The following BLMH variants were observed in gnomAD, a reference collection of about 807,000 sequenced individuals.
BLMH encodes the protein BLM hydrolase.
In BLMH, 32 loss-of-function variants were observed where a neutral mutation model predicts 61.6. The observed-to-expected ratio is 0.52, with a 90% confidence interval of 0.39 to 0.70. BLMH has a LOEUF of 0.70. Ranked by LOEUF, BLMH falls within the 30% of genes least tolerant of loss-of-function variation. The pLI is 0.00. For synonymous variants in BLMH, 183 were observed against 193.8 expected, an observed-to-expected ratio of 0.94 and a Z score of 0.46; for missense variants, 460 against 555.5, an observed-to-expected ratio of 0.83 and a Z score of 1.73.
intron 11 of BLMH, among the ~76,000 whole-genome samples, chr17:30,265,914 T>C (rs1271975960): frequency 6.6e-6 from 1 of 152,182 alleles, no homozygotes; most frequent in Non-Finnish European, 1.5e-5. Flanking sequence ...TTTACAATAA[T>C]ATACCCTAAA....
chr17:30,291,807 C>T lies in BLMH; in HGVS notation c.13G>A (p.Gly5Arg). Residue 5 changes from glycine to arginine, a missense_variant and splice_region_variant, in exon 1 of 12, where the codon GGA (glycine) becomes AGA (arginine). Gly to Arg is a moderately radical substitution (Grantham distance 125). This residue lies in a region of BLMH where 86 missense variants were observed against 84.5 expected (regional missense o/e 1.02). Coordinates refer to ENST00000261714, the MANE Select transcript of BLMH (RefSeq NM_000386.4). The stretch of plus-strand genomic sequence containing the variant: ...GCGGCGGGGGACGGCGGCACCTCAC[C>T]CGAGCTGCTCATGGCGCCCACGCTG... MSSS[G>R]LNSEKVAALI... The T allele has an allele frequency of 7.2e-7, 1 of 1,387,294 alleles. No homozygotes were observed. Among genetic ancestry groups the T allele is most frequent in the Non-Finnish European group, 9.3e-7 (1 of 1,075,148 alleles). 85.9% of individuals were successfully genotyped at this position (1,387,294 alleles called of 1,614,324 possible). A position where few individuals can be genotyped will look rare whatever the true frequency, so the allele number is the denominator to read the frequency against.
chr17:30,270,964 G>T (rs1908251860), intron 10 of BLMH, among the ~76,000 whole-genome samples: 1 of 152,164 alleles, frequency 6.6e-6, no homozygotes. Context: ...TCCTTATAAA[G>T]TAGAAGTTAT....
At chr17:30,251,025 G>T (rs1160234687) in intron 11 of BLMH, among the ~76,000 whole-genome samples, 1 of 152,098 alleles carries the variant, frequency 6.6e-6, no homozygotes, top group African/African-American at 2.4e-5. Context: ...ATATAAGTTG[G>T]AGCTAAACTA....
chr17:30,276,367 C>T (rs966017723), intron 6 of BLMH, among the ~76,000 whole-genome samples: 1 of 152,184 alleles, frequency 6.6e-6, no homozygotes, highest in Non-Finnish European at 1.5e-5. Flanking sequence ...AGGATTTGAA[C>T]TTAGGGCTGA....
chr17:30,287,108 C>T (rs151183244), intron 4 of BLMH, among the ~76,000 whole-genome samples: 18 of 152,204 alleles, frequency 1.2e-4, no homozygotes, highest in South Asian at 2.1e-4. Context: ...TGCTGTGACA[C>T]GATCCTGGCC....
intron 9 of BLMH, 66 bp from the exon 10 acceptor site, chr17:30,271,454 T>A: frequency 1.6e-6 from 2 of 1,283,330 alleles, no homozygotes; most frequent in Non-Finnish European, 2.3e-6. Context: ...CTTTTGGTTG[T>A]AAAAGGAATT....
At chr17:30,288,455 C>T (rs1431559395) in intron 3 of BLMH, among the ~76,000 whole-genome samples, 1 of 152,164 alleles carries the variant, frequency 6.6e-6, no homozygotes, top group Admixed American at 6.5e-5. Flanking sequence ...TGAGCTCAAG[C>T]AATCCTCCTA....
intron 6 of BLMH, among the ~76,000 whole-genome samples, chr17:30,274,851 T>C (rs1456865826): frequency 6.6e-6 from 1 of 152,110 alleles, no homozygotes; most frequent in Admixed American, 6.5e-5. Context: ...TGGTGGCTCA[T>C]GCCTGTAGTC....
Position 30,272,853 on chromosome 17 carries a change from A to G in BLMH, c.848T>C (p.Leu283Pro). The G allele has an allele frequency of 6.2e-7, 1 of 1,614,086 alleles. No individual in the cohort carries two copies. Among genetic ancestry groups the G allele is most frequent in the Admixed American group, 1.7e-5 (1 of 60,004 alleles). Residue 283 changes from leucine to proline, a missense_variant, in exon 8 of 12, where the codon CTT becomes CCT. By Grantham distance (98) the Leu-to-Pro change is moderately conservative (BLOSUM62 -3). Coordinates refer to ENST00000261714, the MANE Select transcript of BLMH (RefSeq NM_000386.4). ...DPRPQHKYNK[L>P]YTVEYLSNMV... is the part of the protein sequence containing the mutation. ...ATTGCTTAAGTATTCCACTGTGTAA[A>G]GTTTGTTGTACTTGTGCTGGGGCCT...
At chr17:30,272,937 C>T in intron 7 of BLMH, 38 bp from the exon 8 acceptor site, 1 of 1,604,336 alleles carries the variant, frequency 6.2e-7, no homozygotes, top group Non-Finnish European at 8.5e-7. Flanking sequence ...GGGCACAAAA[C>T]CAGGAATGTC....
At chr17:30,286,733 G>T in intron 5 of BLMH, 81 bp downstream of exon 5, 1 of 964,164 alleles carries the variant, frequency 1.0e-6, no homozygotes, top group Non-Finnish European at 1.6e-6. Flanking sequence ...TGTATACAGA[G>T]ATACCCAGGA....
intron 5 of BLMH, 85 bp downstream of exon 5, chr17:30,286,729 C>A (rs1480890158): frequency 1.2e-5 from 11 of 926,564 alleles, no homozygotes; most frequent in Non-Finnish European, 1.7e-5. Flanking sequence ...AAACTGTATA[C>A]AGAGATACCC....
intron 6 of BLMH, among the ~76,000 whole-genome samples, chr17:30,283,119 G>A (rs769691956): frequency 2.0e-4 from 30 of 152,146 alleles, no homozygotes; most frequent in Non-Finnish European, 3.5e-4. Flanking sequence ...CTATGACTGC[G>A]CCTCTGCACT....
intron 11 of BLMH, among the ~76,000 whole-genome samples, chr17:30,262,290 A>G (rs534781421): frequency 7.2e-5 from 11 of 152,304 alleles, no homozygotes; most frequent in Admixed American, 3.9e-4. Flanking sequence ...AACTAAGTGA[A>G]CCAATCACAA....
intron 11 of BLMH, among the ~76,000 whole-genome samples, chr17:30,259,818 A>G (rs1468782215): frequency 6.6e-6 from 1 of 152,110 alleles, no homozygotes; most frequent in Admixed American, 6.6e-5. Context: ...CACTAAGTTT[A>G]TTCACCTCCA....
chr17:30,268,729 C>A (rs1421559334), intron 10 of BLMH, among the ~76,000 whole-genome samples: 3 of 148,668 alleles, frequency 2.0e-5, no homozygotes, highest in Non-Finnish European at 4.4e-5. Flanking sequence ...TTTTTAAAAA[C>A]AAACAAACAA....
intron 4 of BLMH, 22 bp from the exon 5 acceptor site, chr17:30,286,924 T>C (rs769791980): frequency 6.8e-7 from 1 of 1,472,406 alleles, no homozygotes; most frequent in South Asian, 1.2e-5. Context: ...CAAATTCTAG[T>C]GTTAAAGAAG....
intron 10 of BLMH, among the ~76,000 whole-genome samples, chr17:30,269,606 T>C (rs1908209106): frequency 6.6e-6 from 1 of 152,160 alleles, no homozygotes; most frequent in African/African-American, 2.4e-5. Context: ...TTGATCTACA[T>C]AAGTAATGCA....
At chr17:30,255,813 C>G (rs1907796923) in intron 11 of BLMH, among the ~76,000 whole-genome samples, 2 of 152,198 alleles carry the variant, frequency 1.3e-5, no homozygotes, top group Admixed American at 1.3e-4. Context: ...AGGAGAATTG[C>G]TTGAACCAGG....
Sources: allele counts gnomAD v4.1 joint callset (sites outside exome capture counted in the v4.1 genomes callset), GRCh38; gene constraint gnomAD v4.1.1; regional missense constraint gnomAD v4.1.1; transcripts MANE v1.5; gene names NCBI Gene and HGNC (gene_info 2026-07-23, HGNC 2026-07-21).